FUS: variants seen among roughly 807,000 people sequenced by gnomAD.
FUS encodes the protein RNA-binding protein FUS.
Under a neutral mutation model 82.7 loss-of-function variants are expected in FUS, and 5 were observed. The ratio of observed to expected loss-of-function variants is 0.06; its 90% CI spans 0.03 to 0.13. The LOEUF (loss-of-function observed/expected upper bound fraction) is 0.13. Ranked by LOEUF, FUS falls within the 10% of genes least tolerant of loss-of-function variation. FUS has a pLI of 1.00. For missense variants in FUS, 512 were observed against 707.8 expected (o/e 0.72, Z 3.14); for synonymous variants, 281 against 247.4 (o/e 1.14, Z -1.27).
chr16:31,192,548 T>C (rs2079375616), downstream of FUS: 2 of 506,302 alleles, frequency 4.0e-6, no homozygotes, highest in East Asian at 8.8e-5. Context: ...TGGGAAGTGC[T>C]TTCCTCTCAA....
At position 31,191,432 on chromosome 16, in the gene FUS, G is replaced by A. The variant is rs562371582; in HGVS notation, c.1575G>A (p.Pro525=). Residue 525 remains proline, a synonymous_variant, in exon 15 of 15, where the codon CCG becomes CCA. Coordinates refer to ENST00000254108, the MANE Select transcript of FUS (RefSeq NM_004960.4). The part of the protein sequence containing the change: ...GEHRQDRRER[P]Y ...ACAGACAGGATCGCAGGGAGAGGCC[G>A]TATTAATTAGCCTGGCTCCCCAGGT... 4.2e-5 allele frequency: 67 copies of A among 1,612,196 alleles called. No individual in the cohort carries two copies. In the South Asian group the frequency reaches 5.5e-4, roughly 13 times the overall value.
intron 6 of FUS, 89 bp from the exon 7 acceptor site, chr16:31,186,713 A>G (rs1214496179): frequency 4.0e-6 from 5 of 1,252,472 alleles, no homozygotes; most frequent in Non-Finnish European, 5.9e-6. Flanking sequence ...ACACCTACCC[A>G]TGTTTGGGGA....
intron 3 of FUS, chr16:31,183,264 C>G (rs1415639096): frequency 5.8e-6 from 1 of 173,282 alleles, no homozygotes; most frequent in Non-Finnish European, 1.2e-5. Flanking sequence ...GTGTTGAGGC[C>G]CCATCTCAAA....
At chr16:31,189,266 T>C (rs2079316471) in intron 9 of FUS, 40 bp downstream of exon 9, 4 of 1,405,154 alleles carry the variant, frequency 2.8e-6, no homozygotes, top group East Asian at 2.3e-5. Flanking sequence ...GTCAGTGTTG[T>C]AGGCTTGTGG....
chr16:31,194,433 A>G (rs1384569293), downstream of FUS: 12 of 507,310 alleles, frequency 2.4e-5, no homozygotes, highest in Non-Finnish European at 4.2e-5. Flanking sequence ...GGACGGGACT[A>G]CAGGCACCTG....
intron 3 of FUS, chr16:31,183,553 C>A: frequency 2.4e-6 from 1 of 418,500 alleles, no homozygotes. Flanking sequence ...AGATACTGCA[C>A]GCACAGCTGC....
intron 7 of FUS, chr16:31,188,096 C>G: frequency 1.7e-6 from 1 of 592,040 alleles, no homozygotes; most frequent in Non-Finnish European, 3.0e-6. Context: ...GTGGAGTTGT[C>G]TCTGTGGAGA....
At chr16:31,192,278 G>A (rs1416352614), downstream of FUS, 1 of 526,318 alleles carries the variant, frequency 1.9e-6, no homozygotes, top group East Asian at 4.0e-5. Context: ...CCTCCTAAGG[G>A]AATGATAAGT....
chr16:31,192,090 A>G (rs545056940), downstream of FUS: 18 of 532,324 alleles, frequency 3.4e-5, no homozygotes, highest in East Asian at 5.5e-4. Context: ...GTCAGGATCT[A>G]GGAGGTGAGT....
chr16:31,184,645 A>C (rs1042604307), intron 5 of FUS, among the ~76,000 whole-genome samples: 1 of 151,968 alleles, frequency 6.6e-6, no homozygotes, highest in Middle Eastern at 3.4e-3. Context: ...GGGTTTCACC[A>C]TGTTAGCCAG....
chr16:31,191,291 A>T, intron 14 of FUS, 108 bp from the exon 15 acceptor site: 4 of 1,514,144 alleles, frequency 2.6e-6, no homozygotes, highest in Non-Finnish European at 3.7e-6. Context: ...CCCACTTGAG[A>T]TAAGATACTC....
intron 6 of FUS, 82 bp downstream of exon 6, chr16:31,185,261 G>A: frequency 1.4e-6 from 2 of 1,451,266 alleles, no homozygotes; most frequent in Non-Finnish European, 1.9e-6. Flanking sequence ...AGTCCCTAGT[G>A]CATGGTTTAG....
intron 6 of FUS, chr16:31,185,736 T>G (rs1474027110): frequency 2.9e-6 from 1 of 346,294 alleles, no homozygotes; most frequent in Non-Finnish European, 5.8e-6. Flanking sequence ...CTGACTGAAG[T>G]AAGCAGACCT....
chr16:31,182,542 A>T lies in FUS; in HGVS notation c.68A>T (p.Gln23Leu). The change falls in exon 3 of 15, where the codon CAG becomes CTG. Residue 23 changes from glutamine to leucine, a missense_variant. Around this residue, in one of 6 missense-constraint regions of FUS, gnomAD observed 276 missense variants for 303.3 expected, o/e 0.91. Transcript: ENST00000254108. ...SYGAYPTQPG[Q>L]GYSQQSSQPY... The stretch of plus-strand genomic sequence containing the variant: ...GGGGCCTACCCCACCCAGCCCGGGC[A>T]GGGCTATTCCCAGCAGAGCAGTCAG... The T allele has an allele frequency of 1.9e-6, 3 of 1,614,144 alleles. No homozygotes were observed. The highest frequency in any genetic ancestry group is 2.5e-6 in the Non-Finnish European group (3 of 1,180,020).
rs763877241 is a variant in FUS at position 31,180,149 on chromosome 16, C to G, written c.-66C>G. The G allele has an allele frequency of 1.9e-6, 3 of 1,588,766 alleles. No individual in the cohort carries two copies. Among genetic ancestry groups the G allele is most frequent in the Middle Eastern group, 3.3e-4 (2 of 6,030 alleles). ...GCAGGAGGCGGGGCTGCTCAGTCCTCCAGGCGTCGGTACTCAGCGGTGTTG... is the reference window on the plus strand; with the variant it reads ...GCAGGAGGCGGGGCTGCTCAGTCCTGCAGGCGTCGGTACTCAGCGGTGTTG... On this transcript the variant is annotated 5_prime_UTR_variant, in exon 1 of 15. Coordinates refer to ENST00000254108, the MANE Select transcript of FUS (RefSeq NM_004960.4).
At chr16:31,193,100 C>T (rs575254196), downstream of FUS, 5 of 484,002 alleles carry the variant, frequency 1.0e-5, no homozygotes, top group East Asian at 2.0e-4. Flanking sequence ...CCACCATGCC[C>T]AGCTAATTTA....
intron 14 of FUS, 30 bp from the exon 15 acceptor site, chr16:31,191,369 G>T: frequency 1.2e-6 from 2 of 1,604,260 alleles, no homozygotes; most frequent in Non-Finnish European, 1.7e-6. Context: ...AAATATAATG[G>T]ATACTTAATT....
At chr16:31,190,000 C>G (rs915866777) in intron 10 of FUS, 40 bp from the exon 11 acceptor site, 1 of 1,580,248 alleles carries the variant, frequency 6.3e-7, no homozygotes, top group African/African-American at 1.3e-5. Context: ...ATTAATGTGT[C>G]TTGCATTTAA....
downstream of FUS, chr16:31,192,556 CAA>C (rs1295391853): frequency 4.0e-6 from 2 of 503,078 alleles, no homozygotes; most frequent in Admixed American, 4.6e-5. Flanking sequence ...GCTTTCCTCT[CAA>C]ATTTTTATTT....
Sources: gnomAD v4.1 joint callset for allele counts (sites outside exome capture counted in the v4.1 genomes callset) on GRCh38, gnomAD v4.1.1 for gene constraint, gnomAD v4.1.1 regional missense constraint, MANE v1.5 for transcripts, NCBI Gene and HGNC (gene_info 2026-07-23, HGNC 2026-07-21) for gene names.